PTPA: variants seen among roughly 807,000 people sequenced by gnomAD.
PTPA encodes the protein serine/threonine-protein phosphatase 2A activator.
PTPA carries 13 observed loss-of-function variants against 43.6 expected under a neutral mutation model. The ratio of observed to expected loss-of-function variants is 0.30; its 90% CI spans 0.19 to 0.47. PTPA has a LOEUF of 0.47. Among genes scored for constraint, PTPA ranks in the 20% least tolerant of loss-of-function variants. PTPA has a pLI of 0.99. For missense variants in PTPA, 329 were observed against 411.9 expected, an observed-to-expected ratio of 0.80 and a Z score of 1.74; for synonymous variants, 172 against 158.2, an observed-to-expected ratio of 1.09 and a Z score of -0.66.
In PTPA at chr9:129,142,753, C is replaced by A. The variant is rs760322879; in HGVS notation, c.894+201C>A. The A allele has an allele frequency of 2.0e-6, 3 of 1,536,640 alleles. No individual in the cohort carries two copies. In the South Asian group the frequency reaches 3.6e-5, roughly 18 times the overall value. The stretch of plus-strand genomic sequence containing the variant: ...TGGGCAGTCAGAGAAGCACCAGCCA[C>A]CCCAGCCCCGAAAAGCTGCAGTCCA... On this transcript the variant is annotated intron_variant, in intron 9 of 9. Coordinates refer to ENST00000393370, the MANE Select transcript of PTPA (RefSeq NM_178000.3).
At chr9:129,127,653 TA>T (rs1849667461) in intron 3 of PTPA, among the ~76,000 whole-genome samples, 1 of 152,204 alleles carries the variant, frequency 6.6e-6, no homozygotes, top group African/African-American at 2.4e-5. Context: ...AGTAACATTT[TA>T]TGTGCCAATG....
intron 8 of PTPA, chr9:129,137,922 A>T: frequency 1.9e-6 from 1 of 535,822 alleles, no homozygotes; most frequent in Non-Finnish European, 3.5e-6. Context: ...ACACCACAGG[A>T]GTCTTGAGAT....
chr9:129,134,908 C>CAGG lies in PTPA; in HGVS notation c.560+18_560+20dup, dbSNP rs1850255314. Reference sequence around the variant, plus strand: ...GGTGTTCAATCGGTGAGAGAAAGGACAGGAGGGTTGGAGGAGGGGGCGTGA... The same window carrying CAGG: ...GGTGTTCAATCGGTGAGAGAAAGGACAGGAGGAGGGTTGGAGGAGGGGGCGTGA... On this transcript the variant is annotated intron_variant, in intron 6 of 9. Transcript: ENST00000393370. The CAGG allele has an allele frequency of 6.2e-7, 1 of 1,606,162 alleles. No individual in the cohort carries two copies. The highest frequency in any genetic ancestry group is 1.3e-5 in the African/African-American group (1 of 74,670).
At chr9:129,114,720 T>G (rs1848756728) in intron 1 of PTPA, among the ~76,000 whole-genome samples, 1 of 152,216 alleles carries the variant, frequency 6.6e-6, no homozygotes, top group East Asian at 1.9e-4. Context: ...ATGTTGATTT[T>G]ATACTGTGAG....
intron 2 of PTPA, among the ~76,000 whole-genome samples, chr9:129,122,748 C>T (rs964351120): frequency 6.6e-6 from 1 of 152,168 alleles, no homozygotes; most frequent in Admixed American, 6.5e-5. Context: ...TGTAAGATGG[C>T]GCCAGCAGTG....
At chr9:129,146,848 C>T (rs934096273) in intron 9 of PTPA, among the ~76,000 whole-genome samples, 47 of 152,350 alleles carry the variant, frequency 3.1e-4, no homozygotes, top group African/African-American at 9.4e-4. Context: ...TTCCCCTGCC[C>T]CCCACACAGG....
chr9:129,142,763 G>A (rs533410844), intron 9 of PTPA: 13 of 1,536,320 alleles, frequency 8.5e-6, no homozygotes, highest in Middle Eastern at 1.7e-4. Flanking sequence ...CCCCAGCCCC[G>A]AAAAGCTGCA....
At chr9:129,143,007 C>A in intron 9 of PTPA, 1 of 1,190,146 alleles carries the variant, frequency 8.4e-7, no homozygotes, top group Non-Finnish European at 1.1e-6. Flanking sequence ...GGTGGGAGGT[C>A]TGAGGGTAGG....
chr9:129,111,359 T>TCCGCGCG, upstream of PTPA: 2 of 1,196,192 alleles, frequency 1.7e-6, no homozygotes, highest in East Asian at 7.0e-5. Context: ...CGTCGCCCGG[T>TCCGCGCG]TCCGCGCGTC....
intron 6 of PTPA, among the ~76,000 whole-genome samples, chr9:129,135,195 C>G (rs545063581): frequency 3.9e-5 from 6 of 152,172 alleles, no homozygotes; most frequent in Non-Finnish European, 7.3e-5. Flanking sequence ...GTGTTCGACA[C>G]CAGCCTGGCC....
intron 9 of PTPA, chr9:129,142,773 A>G (rs1487860226): frequency 6.5e-7 from 1 of 1,536,150 alleles, no homozygotes; most frequent in Non-Finnish European, 8.7e-7. Context: ...GAAAAGCTGC[A>G]GTCCAGCTCT....
intron 2 of PTPA, among the ~76,000 whole-genome samples, chr9:129,121,765 T>G (rs959532800): frequency 5.9e-5 from 9 of 152,258 alleles, no homozygotes; most frequent in African/African-American, 2.2e-4. Context: ...GAGAACCTGC[T>G]TCTTTGTCTG....
At chr9:129,125,281 T>G (rs1199712485) in intron 3 of PTPA, among the ~76,000 whole-genome samples, 1 of 151,818 alleles carries the variant, frequency 6.6e-6, no homozygotes. Flanking sequence ...TTTTTTGAGT[T>G]TTTCTTGTTA....
At chr9:129,112,856 G>T (rs915938776) in intron 1 of PTPA, among the ~76,000 whole-genome samples, 1 of 151,910 alleles carries the variant, frequency 6.6e-6, no homozygotes, top group African/African-American at 2.4e-5. Context: ...CAGGAGAATC[G>T]CTTGAACCTG....
intron 4 of PTPA, among the ~76,000 whole-genome samples, chr9:129,130,542 G>A (rs1484676028): frequency 1.3e-5 from 2 of 151,720 alleles, no homozygotes; most frequent in African/African-American, 2.4e-5. Context: ...TACAGCATGC[G>A]CCACCATGCT....
At chr9:129,143,646 T>C in intron 9 of PTPA, 1 of 541,260 alleles carries the variant, frequency 1.8e-6, no homozygotes, top group Non-Finnish European at 3.3e-6. Flanking sequence ...GGGCCCTCAC[T>C]CCCTTCCGCC....
At chr9:129,129,423 C>T (rs1270779648) in intron 4 of PTPA, among the ~76,000 whole-genome samples, 1 of 151,744 alleles carries the variant, frequency 6.6e-6, no homozygotes, top group Admixed American at 6.6e-5. Context: ...CCATCAATAT[C>T]ATGGAGTACT....
chr9:129,137,199 A>G (rs1850429593), intron 7 of PTPA, among the ~76,000 whole-genome samples: 1 of 152,198 alleles, frequency 6.6e-6, no homozygotes, highest in South Asian at 2.1e-4. Flanking sequence ...CCTCGGGTGC[A>G]TTGCCTCCCC....
intron 5 of PTPA, among the ~76,000 whole-genome samples, chr9:129,133,439 A>C (rs375489278): frequency 6.6e-6 from 1 of 152,186 alleles, no homozygotes; most frequent in African/African-American, 2.4e-5. Flanking sequence ...AAACTGTGGC[A>C]GGGGAAGGAA....
Sources: gnomAD v4.1 joint callset for allele counts (sites outside exome capture counted in the v4.1 genomes callset) on GRCh38, gnomAD v4.1.1 for gene constraint, MANE v1.5 for transcripts, NCBI Gene and HGNC (gene_info 2026-07-23, HGNC 2026-07-21) for gene names.